DCP1A: variants seen among roughly 807,000 people sequenced by gnomAD.
The protein encoded by DCP1A is decapping mRNA 1A.
DCP1A carries 20 observed loss-of-function variants against 58.0 expected under a neutral mutation model. That is an observed-to-expected ratio of 0.34 (90% CI 0.24 to 0.50). DCP1A has a LOEUF of 0.50. Ranked by LOEUF, DCP1A falls within the 20% of genes least tolerant of loss-of-function variation. The pLI is 0.98. For missense variants in DCP1A, 613 were observed against 712.2 expected (o/e 0.86, Z 1.59); for synonymous variants, 285 against 275.1 (o/e 1.04, Z -0.36).
chr3:53,342,536 C>T (rs2089223871), intron 2 of DCP1A, among the ~76,000 whole-genome samples: 1 of 152,202 alleles, frequency 6.6e-6, no homozygotes, highest in African/African-American at 2.4e-5. Context: ...CCCACTCTGA[C>T]TTCATTTCCT....
chr3:53,334,952 T>G (rs1190176242), intron 3 of DCP1A, among the ~76,000 whole-genome samples: 2 of 151,734 alleles, frequency 1.3e-5, no homozygotes, highest in East Asian at 1.9e-4. Context: ...ATTATTCTTT[T>G]GTCTTCTAAA....
chr3:53,298,928 G>A (rs904040023), intron 6 of DCP1A, among the ~76,000 whole-genome samples: 1 of 152,090 alleles, frequency 6.6e-6, no homozygotes, highest in African/African-American at 2.4e-5. Flanking sequence ...CCTATAATAC[G>A]CAGTGCAGTA....
chr3:53,321,581 T>C (rs781823133), intron 3 of DCP1A, among the ~76,000 whole-genome samples: 4 of 152,102 alleles, frequency 2.6e-5, no homozygotes, highest in Non-Finnish European at 4.4e-5. Context: ...TAGCCGGGCA[T>C]GGTAGCGCAT....
At chr3:53,327,734 T>C (rs1250523139) in intron 3 of DCP1A, among the ~76,000 whole-genome samples, 3 of 151,332 alleles carry the variant, frequency 2.0e-5, no homozygotes, top group African/African-American at 7.3e-5. Flanking sequence ...GAGGTTGCGG[T>C]GAGCTGAGAT....
chr3:53,326,228 A>G (rs1430369387), intron 3 of DCP1A, among the ~76,000 whole-genome samples: 1 of 152,254 alleles, frequency 6.6e-6, no homozygotes, highest in Non-Finnish European at 1.5e-5. Flanking sequence ...ATTTAGACAC[A>G]TGAAATGACC....
intron 3 of DCP1A, chr3:53,338,036 T>C (rs78894977): frequency 0.027 from 9,240 of 343,614 alleles, 575 homozygotes; most frequent in South Asian, 0.13. Context: ...GGAAAGAACA[T>C]TGGCCTTGAA....
intron 8 of DCP1A, 63 bp from the exon 9 acceptor site, chr3:53,288,346 G>C: frequency 7.6e-7 from 1 of 1,318,718 alleles, no homozygotes; most frequent in South Asian, 1.3e-5. Flanking sequence ...GCCCAGAATA[G>C]GGACCATGTG....
intron 6 of DCP1A, among the ~76,000 whole-genome samples, chr3:53,293,921 C>A (rs1575594745): frequency 6.6e-6 from 1 of 152,112 alleles, no homozygotes; most frequent in African/African-American, 2.4e-5. Context: ...AAGGGCCCCC[C>A]CACCGGACCC....
rs143568582 is a variant in DCP1A at position 53,317,822 on chromosome 3, G to C, written c.371+1585C>G. 2.4e-3 allele frequency among the ~76,000 whole-genome samples: 370 copies of C among 152,224 alleles called. 2 individuals are homozygous for C. Among genetic ancestry groups the C allele is most frequent in the African/African-American group, 8.7e-3 (361 of 41,542 alleles). On this transcript the variant is annotated intron_variant, in intron 4 of 9. Transcript: ENST00000610213. The stretch of plus-strand genomic sequence containing the variant: ...AAGTGACTACAAGTTCATACAGAAC[G>C]ATGCCCTTGGGGTGTACACAAGTAA...
At chr3:53,288,718 C>T (rs532371653) in intron 8 of DCP1A, among the ~76,000 whole-genome samples, 2 of 152,250 alleles carry the variant, frequency 1.3e-5, no homozygotes, top group East Asian at 1.9e-4. Context: ...ATATTACATA[C>T]ATGTGTCAAA....
chr3:53,311,798 G>A (rs1410441071), intron 5 of DCP1A, among the ~76,000 whole-genome samples: 2 of 152,140 alleles, frequency 1.3e-5, no homozygotes, highest in Non-Finnish European at 2.9e-5. Context: ...TAGCTGCTGC[G>A]AGCTAACTTC....
intron 5 of DCP1A, among the ~76,000 whole-genome samples, chr3:53,306,445 G>C (rs1419540166): frequency 6.6e-6 from 1 of 152,058 alleles, no homozygotes; most frequent in Non-Finnish European, 1.5e-5. Flanking sequence ...TTAAAAAGTT[G>C]GGGCTGGAAG....
At chr3:53,312,469 T>A in intron 4 of DCP1A, 90 bp from the exon 5 acceptor site, 2 of 1,104,622 alleles carry the variant, frequency 1.8e-6, no homozygotes, top group Non-Finnish European at 2.5e-6. Context: ...AAGGATACAC[T>A]AAGAGTGTCA....
chr3:53,310,228 A>G (rs1707603555), intron 5 of DCP1A, among the ~76,000 whole-genome samples: 1 of 149,390 alleles, frequency 6.7e-6, no homozygotes, highest in African/African-American at 2.6e-5. Flanking sequence ...AAAGAAGTTT[A>G]TTTAAAACAG....
rs868916670 is a variant in DCP1A at position 53,319,411 on chromosome 3, C to G, written c.367G>C (p.Ala123Pro). ...TTTATGGAGTAATATACTTACTCAG[C>G]CATGAGTTTTGCTATGCGGTGACAG... ...NDCHRIAKLM[A>P]DVVEEETRRS... Residue 123 changes from alanine (A) to proline (P), a missense_variant, in exon 4 of 10, where the codon GCT becomes CCT. Ala to Pro is a conservative substitution (Grantham distance 27). Transcript: ENST00000610213. 6.5e-7 allele frequency: 1 copy of G among 1,547,540 alleles called. No homozygotes were observed. Among genetic ancestry groups the G allele is most frequent in the African/African-American group, 1.4e-5 (1 of 73,348 alleles).
intron 2 of DCP1A, 39 bp downstream of exon 2, chr3:53,344,863 A>G: frequency 2.1e-6 from 3 of 1,458,492 alleles, no homozygotes; most frequent in Non-Finnish European, 2.9e-6. Context: ...GTTCACCACT[A>G]GACTGTTAAA....
rs542817970 is a variant in DCP1A at position 53,334,088 on chromosome 3, C to T, written c.304+8056G>A. ...ACCAGCCTGGACAATATAGAGAGACCTTGTCTCTACAAAAAATAAAAACGT... is the reference window on the plus strand; with the variant it reads ...ACCAGCCTGGACAATATAGAGAGACTTTGTCTCTACAAAAAATAAAAACGT... On this transcript the variant is annotated intron_variant, in intron 3 of 9. Transcript: ENST00000610213. Among the ~76,000 whole-genome samples, 633 of 152,064 alleles carry T rather than the reference C, an allele frequency of 4.2e-3. 3 individuals carry two copies. The highest frequency in any genetic ancestry group is 6.4e-3 in the Non-Finnish European group (434 of 68,008).
chr3:53,313,622 G>GT (rs1171723348), intron 4 of DCP1A, among the ~76,000 whole-genome samples: 10 of 150,922 alleles, frequency 6.6e-5, no homozygotes, highest in South Asian at 2.1e-4. Context: ...AACTTTTTTT[G>GT]TTTTTTTTAA....
chr3:53,338,871 A>AAG, intron 3 of DCP1A, among the ~76,000 whole-genome samples: 1 of 151,886 alleles, frequency 6.6e-6, no homozygotes, highest in East Asian at 1.9e-4. Context: ...AAAAAAAAAA[A>AAG]AAAAGAAAAA....
Sources: gnomAD v4.1 joint callset for allele counts (sites outside exome capture counted in the v4.1 genomes callset) on GRCh38, gnomAD v4.1.1 for gene constraint, MANE v1.5 for transcripts, NCBI Gene and HGNC (gene_info 2026-07-23, HGNC 2026-07-21) for gene names.